The following MARCHF1 variants were observed in gnomAD, a reference collection of about 807,000 sequenced individuals.
The protein encoded by MARCHF1 is E3 ubiquitin-protein ligase MARCHF1.
A neutral mutation model predicts 54.2 loss-of-function variants in MARCHF1; 40 were observed. The observed-to-expected ratio is 0.74, with a 90% CI of 0.57 to 0.96. The LOEUF is 0.96. Ranked by LOEUF, MARCHF1 falls within the 40% of genes least tolerant of loss-of-function variation. MARCHF1 has a pLI of 0.00. For missense variants in MARCHF1, 586 were observed against 656.5 expected, an observed-to-expected ratio of 0.89 and a Z score of 1.17; for synonymous variants, 236 against 236.3, an observed-to-expected ratio of 1.00 and a Z score of 0.01.
chr4:163,620,456 A>T (rs1328034669), intron 5 of MARCHF1, among the ~76,000 whole-genome samples: 1 of 152,104 alleles, frequency 6.6e-6, no homozygotes, highest in African/African-American at 2.4e-5. Flanking sequence ...AGATATATTT[A>T]CAAGATTGTT....
intron 2 of MARCHF1, among the ~76,000 whole-genome samples, chr4:164,050,005 T>A (rs988924365): frequency 6.6e-6 from 1 of 152,146 alleles, no homozygotes; most frequent in Non-Finnish European, 1.5e-5. Context: ...CCAGGAGCAG[T>A]AGCTCAAACC....
chr4:163,863,085 A>G lies in MARCHF1; in HGVS notation c.-38-8916T>C, dbSNP rs907235169. ...TTTGTATGATGCTTTAGTGGTGGAT[A>G]TGTCATCCTAAGCATTTGTGAAAAT... On this transcript the variant is annotated intron_variant, in intron 3 of 9. Transcript: ENST00000514618. Among the ~76,000 whole-genome samples the G allele has an allele frequency of 6.6e-5, 10 of 152,174 alleles. No homozygotes were observed. The South Asian group carries it at 2.1e-3, about 32-fold the overall frequency.
At chr4:164,119,947 G>A (rs534732525) in intron 1 of MARCHF1, among the ~76,000 whole-genome samples, 3 of 151,850 alleles carry the variant, frequency 2.0e-5, no homozygotes, top group African/African-American at 7.2e-5. Flanking sequence ...TATTTAAATT[G>A]TTCCTGATAA....
At chr4:164,379,198 T>C (rs763494690) in intron 1 of MARCHF1, among the ~76,000 whole-genome samples, 10 of 151,954 alleles carry the variant, frequency 6.6e-5, no homozygotes, top group Admixed American at 2.6e-4. Flanking sequence ...AAAAATCAAA[T>C]GTACACTTGG....
chr4:164,063,851 A>G (rs1402028147), intron 2 of MARCHF1, among the ~76,000 whole-genome samples: 2 of 152,156 alleles, frequency 1.3e-5, no homozygotes, highest in Non-Finnish European at 2.9e-5. Flanking sequence ...GGTGTAAGAA[A>G]GGGGTCCAGT....
intron 1 of MARCHF1, among the ~76,000 whole-genome samples, chr4:164,248,714 A>G (rs1733032273): frequency 6.6e-6 from 1 of 152,060 alleles, no homozygotes; most frequent in Admixed American, 6.6e-5. Flanking sequence ...AGCACTGACC[A>G]TGTAAAATTA....
intron 1 of MARCHF1, among the ~76,000 whole-genome samples, chr4:164,140,257 A>ATATATATATAT (rs1560922636): frequency 1.3e-5 from 2 of 151,150 alleles, no homozygotes; most frequent in African/African-American, 2.4e-5. Flanking sequence ...ATATATATAT[A>ATATATATATAT]AATGAAACTG....
chr4:164,257,679 A>C (rs1733331694), intron 1 of MARCHF1, among the ~76,000 whole-genome samples: 1 of 152,098 alleles, frequency 6.6e-6, no homozygotes, highest in South Asian at 2.1e-4. Flanking sequence ...AATAAAATCA[A>C]TTGTGTGGCC....
At position 164,042,070 on chromosome 4, in the gene MARCHF1, G is replaced by T. The variant is rs559895870; in HGVS notation, c.-247-53361C>A. ...CAAAATGCCATTGCCAACAATATTC[G>T]ATTTACTTCTCTTTATTAATATTAT... On this transcript the variant is annotated intron_variant, in intron 2 of 9. Coordinates refer to ENST00000514618, the MANE Select transcript of MARCHF1 (RefSeq NM_001394959.1). 7.2e-5 allele frequency among the ~76,000 whole-genome samples: 11 copies of T among 152,086 alleles called. No homozygotes were observed. In the South Asian group the frequency reaches 2.3e-3, roughly 32 times the overall value.
At chr4:163,550,281 CAAA>C (rs60320461) in intron 8 of MARCHF1, among the ~76,000 whole-genome samples, 2,673 of 105,090 alleles carry the variant, frequency 0.025, 32 homozygotes, top group East Asian at 0.086. Flanking sequence ...GACTCCGTCT[CAAA>C]AAAAAAAAAA....
At chr4:163,572,319 C>CTTTTTTTTTTT (rs11363041) in intron 8 of MARCHF1, among the ~76,000 whole-genome samples, 1 of 144,078 alleles carries the variant, frequency 6.9e-6, no homozygotes, top group Non-Finnish European at 1.5e-5. Context: ...CTCTTTCTTC[C>CTTTTTTTTTTT]TTTTTTTTTT....
At position 163,925,542 on chromosome 4, in the gene MARCHF1, CAT is replaced by C. The variant is rs201496764; in HGVS notation, c.-39+62957_-39+62958del. Among the ~76,000 whole-genome samples, 16 of 151,916 alleles carry C rather than the reference CAT, an allele frequency of 1.1e-4. No individual in the cohort carries two copies. In the East Asian group the frequency reaches 3.1e-3, roughly 29 times the overall value. On this transcript the variant is annotated intron_variant, in intron 3 of 9. Coordinates refer to ENST00000514618, the MANE Select transcript of MARCHF1 (RefSeq NM_001394959.1). ...TGAATGATACTTAAATCAAGGAAGACATATTGACAATTTTGTTCAAAAGAAAA... is the reference window on the plus strand; with the variant it reads ...TGAATGATACTTAAATCAAGGAAGACATTGACAATTTTGTTCAAAAGAAAA...
chr4:163,937,653 C>G (rs1388917470), intron 3 of MARCHF1, among the ~76,000 whole-genome samples: 2 of 152,006 alleles, frequency 1.3e-5, no homozygotes, highest in East Asian at 1.9e-4. Context: ...GAGTAGTGAC[C>G]TAATTTTTCC....
Position 163,633,183 on chromosome 4 carries a change from G to A in MARCHF1, c.163-19790C>T, listed in dbSNP as rs184147768. Among the ~76,000 whole-genome samples, 569 of 152,300 alleles carry A rather than the reference G, an allele frequency of 3.7e-3. 2 individuals are homozygous for A. The highest frequency in any genetic ancestry group is 0.01 in the Middle Eastern group (3 of 294). On this transcript the variant is annotated intron_variant, in intron 5 of 9. Coordinates refer to ENST00000514618, the MANE Select transcript of MARCHF1 (RefSeq NM_001394959.1). ...GAAAAACTGGAAACTCTAAAAATCAGAGCGCCTCTCCTCCTCCAACGGAAC... is the reference window on the plus strand; with the variant it reads ...GAAAAACTGGAAACTCTAAAAATCAAAGCGCCTCTCCTCCTCCAACGGAAC...
Position 164,165,223 on chromosome 4 carries a change from C to T in MARCHF1, c.-322-53561G>A, listed in dbSNP as rs184062640. On this transcript the variant is annotated intron_variant, in intron 1 of 9. Transcript: ENST00000514618. ...GAATATTTGTAACATAAGTTGAAGT[C>T]CCAACCCCCAATGTGACTATATTTG... 4.8e-3 allele frequency among the ~76,000 whole-genome samples: 734 copies of T among 152,030 alleles called. 2 individuals carry two copies. The highest frequency in any genetic ancestry group is 8.7e-3 in the South Asian group (42 of 4,820).
chr4:164,111,512 C>A, intron 2 of MARCHF1, 76 bp downstream of exon 2: 1 of 151,466 alleles, frequency 6.6e-6, no homozygotes, highest in Non-Finnish European at 1.5e-5. Context: ...ACTCTAATTC[C>A]AAATGAGAAA....
intron 1 of MARCHF1, among the ~76,000 whole-genome samples, chr4:164,199,675 C>CAGAGAGAG (rs1320121142): frequency 9.2e-5 from 5 of 54,468 alleles, no homozygotes; most frequent in Non-Finnish European, 1.7e-4. Flanking sequence ...CACACACACA[C>CAGAGAGAG]ACACACAGAG....
At chr4:164,314,444 C>T (rs1734945491) in intron 1 of MARCHF1, among the ~76,000 whole-genome samples, 1 of 152,192 alleles carries the variant, frequency 6.6e-6, no homozygotes, top group Admixed American at 6.5e-5. Context: ...ATTTTCTCAA[C>T]TGTACATAAG....
intron 4 of MARCHF1, among the ~76,000 whole-genome samples, chr4:163,788,800 C>T (rs1747691694): frequency 6.6e-6 from 1 of 151,966 alleles, no homozygotes; most frequent in African/African-American, 2.4e-5. Context: ...AGAAGTGAGC[C>T]ACTAAATTGA....
Sources: allele counts gnomAD v4.1 joint callset (sites outside exome capture counted in the v4.1 genomes callset), GRCh38; gene constraint gnomAD v4.1.1; transcripts MANE v1.5; gene names NCBI Gene and HGNC (gene_info 2026-07-23, HGNC 2026-07-21).